Variants in JPH3 observed in about 807,000 individuals in gnomAD.
JPH3 encodes the protein junctophilin-3.
JPH3 carries 11 observed loss-of-function variants against 59.6 expected under a neutral mutation model. The observed-to-expected ratio is 0.18, with a 90% CI of 0.12 to 0.31. JPH3 has a LOEUF of 0.31. Ranked by LOEUF, JPH3 falls within the 10% of genes least tolerant of loss-of-function variation. JPH3 has a pLI of 1.00. For missense variants in JPH3, 1,202 were observed against 1,105.7 expected (o/e 1.09, Z -1.24); for synonymous variants, 673 against 483.6 (o/e 1.39, Z -5.14).
At chr16:87,646,239 A>T (rs1055164154) in intron 2 of JPH3, among the ~76,000 whole-genome samples, 1 of 152,242 alleles carries the variant, frequency 6.6e-6, no homozygotes. Flanking sequence ...TCTGATTTTC[A>T]GTGACCTTTG....
At chr16:87,677,085 G>A (rs1035840756) in intron 2 of JPH3, among the ~76,000 whole-genome samples, 4 of 151,388 alleles carry the variant, frequency 2.6e-5, no homozygotes, top group Non-Finnish European at 4.4e-5. Flanking sequence ...CGTGAACCCG[G>A]GAGGTGGAGC....
chr16:87,635,412 G>A (rs2031706048), intron 1 of JPH3, among the ~76,000 whole-genome samples: 1 of 152,234 alleles, frequency 6.6e-6, no homozygotes, highest in African/African-American at 2.4e-5. Context: ...AGGCCCTGGT[G>A]AGAGACAGGC....
chr16:87,695,756 C>A, intron 4 of JPH3: 1 of 456,092 alleles, frequency 2.2e-6, no homozygotes, highest in Non-Finnish European at 4.4e-6. Context: ...CAGAACACAG[C>A]AGAGTGCAGG....
intron 2 of JPH3, among the ~76,000 whole-genome samples, chr16:87,668,102 G>A (rs1413410549): frequency 2.6e-5 from 4 of 152,168 alleles, no homozygotes; most frequent in African/African-American, 4.8e-5. Context: ...CGCAGCGCCC[G>A]GCTCCGTGGG....
At chr16:87,648,802 T>A (rs1040662610) in intron 2 of JPH3, among the ~76,000 whole-genome samples, 1 of 152,090 alleles carries the variant, frequency 6.6e-6, no homozygotes, top group East Asian at 1.9e-4. Context: ...GCTCTCCAGG[T>A]GCCTGGAGGG....
At chr16:87,607,279 C>A (rs901627510) in intron 1 of JPH3, among the ~76,000 whole-genome samples, 4 of 152,114 alleles carry the variant, frequency 2.6e-5, no homozygotes, top group Non-Finnish European at 5.9e-5. Flanking sequence ...CCCCTCGAAT[C>A]GAAAGTTACC....
intron 2 of JPH3, among the ~76,000 whole-genome samples, chr16:87,673,925 C>CT: frequency 6.8e-6 from 1 of 147,794 alleles, no homozygotes; most frequent in East Asian, 2.0e-4. Flanking sequence ...GACTCTGTCT[C>CT]AAAAAAATAA....
At chr16:87,647,523 G>C (rs1016250862) in intron 2 of JPH3, among the ~76,000 whole-genome samples, 2 of 152,212 alleles carry the variant, frequency 1.3e-5, no homozygotes, top group Admixed American at 6.5e-5. Flanking sequence ...GCAGGTTGCG[G>C]CTTGCCTTCT....
intron 2 of JPH3, among the ~76,000 whole-genome samples, chr16:87,657,145 G>A (rs191561366): frequency 8.3e-4 from 126 of 152,262 alleles, no homozygotes; most frequent in Admixed American, 2.1e-3. Flanking sequence ...CCAGGCCAGC[G>A]CTGAGCACCC....
intron 1 of JPH3, among the ~76,000 whole-genome samples, chr16:87,622,526 C>G (rs535451681): frequency 7.5e-6 from 1 of 133,746 alleles, no homozygotes; most frequent in Non-Finnish European, 1.8e-5. Context: ...GTGGCAGGGC[C>G]GGGAAGTAGA....
At chr16:87,629,792 A>G (rs1427757380) in intron 1 of JPH3, among the ~76,000 whole-genome samples, 1 of 152,100 alleles carries the variant, frequency 6.6e-6, no homozygotes, top group East Asian at 1.9e-4. Context: ...GTGCACACCC[A>G]TGGAAGGCGT....
intron 2 of JPH3, among the ~76,000 whole-genome samples, chr16:87,657,717 C>A (rs1406065500): frequency 1.3e-5 from 2 of 152,168 alleles, no homozygotes; most frequent in African/African-American, 4.8e-5. Context: ...CTAGCTTACC[C>A]CCATGACCAC....
intron 2 of JPH3, among the ~76,000 whole-genome samples, chr16:87,666,220 C>G (rs1380133430): frequency 6.6e-6 from 1 of 151,702 alleles, no homozygotes; most frequent in Non-Finnish European, 1.5e-5. Flanking sequence ...TCCCAAGTAT[C>G]TGGGATTACA....
intron 3 of JPH3, 63 bp from the exon 4 acceptor site, chr16:87,689,583 C>A (rs529724082): frequency 5.8e-6 from 9 of 1,545,286 alleles, no homozygotes; most frequent in Admixed American, 1.9e-5. Context: ...GCCCGGGGAC[C>A]GCGGCCTCGC....
intron 1 of JPH3, among the ~76,000 whole-genome samples, chr16:87,616,220 GTGT>G (rs2030958351): frequency 6.9e-6 from 1 of 145,670 alleles, no homozygotes; most frequent in Non-Finnish European, 1.5e-5. Context: ...GTGTGTGTGT[GTGT>G]GTGTGTGTGT....
chr16:87,618,528 G>A (rs887950138), intron 1 of JPH3, among the ~76,000 whole-genome samples: 5 of 152,198 alleles, frequency 3.3e-5, no homozygotes, highest in African/African-American at 7.2e-5. Context: ...GTGGAGCTCA[G>A]GCCTGGGAGA....
At chr16:87,687,355 C>T (rs911768962) in intron 3 of JPH3, among the ~76,000 whole-genome samples, 1 of 152,162 alleles carries the variant, frequency 6.6e-6, no homozygotes, top group Non-Finnish European at 1.5e-5. Flanking sequence ...TGGGCCATGC[C>T]GGCTTCTAGA....
At chr16:87,638,247 A>G (rs2150840506) in intron 1 of JPH3, among the ~76,000 whole-genome samples, 1 of 152,266 alleles carries the variant, frequency 6.6e-6, no homozygotes, top group East Asian at 1.9e-4. Flanking sequence ...TTTTAATGAG[A>G]TGGGGTCTCA....
At chr16:87,658,076 G>A (rs752148054) in intron 2 of JPH3, among the ~76,000 whole-genome samples, 7 of 152,180 alleles carry the variant, frequency 4.6e-5, no homozygotes, top group Non-Finnish European at 5.9e-5. Flanking sequence ...CTCCTACCCC[G>A]GAAGGCACCA....
Sources: allele counts gnomAD v4.1 joint callset (sites outside exome capture counted in the v4.1 genomes callset), GRCh38; gene constraint gnomAD v4.1.1; transcripts MANE v1.5; gene names NCBI Gene and HGNC (gene_info 2026-07-23, HGNC 2026-07-21).